The following UCN3 variants were observed in gnomAD, a reference collection of about 807,000 sequenced individuals.
UCN3 encodes the protein urocortin-3.
UCN3 carries 3 observed loss-of-function variants against 3.6 expected under a neutral mutation model. That is an observed-to-expected ratio of 0.83 (90% CI 0.38 to 2.15). The LOEUF is 2.15. Ranked by LOEUF, UCN3 falls within the 30% of genes most tolerant of loss-of-function variation. The probability of loss-of-function intolerance (pLI) is 0.06; values close to 1 mark genes in which losing one functional copy is unlikely to be tolerated. For missense variants in UCN3, 206 were observed against 208.3 expected (o/e 0.99, Z 0.07); for synonymous variants, 100 against 93.2 (o/e 1.07, Z -0.42).
chr10:5,370,281 ATATGCGTGTGTG>A lies in UCN3; in HGVS notation c.-6-3422_-6-3411del, dbSNP rs1387248623. ...TATATGCGTGTGTATATGCGTGTGT[ATATGCGTGTGTG>A]TATGCGTGTGTATATGCGTGTATGT... is the stretch of plus-strand genomic sequence containing the variant. On this transcript the variant is annotated intron_variant, in intron 1 of 1. Transcript: ENST00000380433. Among the ~76,000 whole-genome samples the A allele has an allele frequency of 4.8e-3, 296 of 61,184 alleles. 46 individuals carry two copies. The highest frequency in any genetic ancestry group is 7.2e-3 in the Non-Finnish European group (230 of 31,858). 40.1% of individuals were successfully genotyped at this position (61,184 alleles called of 152,430 possible).
rs906920569 is a variant in UCN3, at chr10:5,366,105, T to C, written c.-7+875T>C. Among the ~76,000 whole-genome samples, 17 of 152,222 alleles carry C rather than the reference T, an allele frequency of 1.1e-4. No individual in the cohort carries two copies. The highest frequency in any genetic ancestry group is 7.3e-5 in the Non-Finnish European group (5 of 68,040). ...GAGCCCACAGGAATAGCTCTGCACT[T>C]GGCAGAGATGTGTGATCAGTACTGT... is the stretch of plus-strand genomic sequence containing the variant. On this transcript the variant is annotated intron_variant, in intron 1 of 1. Coordinates refer to ENST00000380433, the MANE Select transcript of UCN3 (RefSeq NM_053049.4). This position sits in a 1 kb window ranked among gnomAD's most constrained non-coding sequence, Gnocchi z 4.2.
rs1834117061 is a variant in UCN3, at chr10:5,366,277, A to G, written c.-7+1047A>G. Among the ~76,000 whole-genome samples, 1 of 152,218 alleles carries G rather than the reference A, an allele frequency of 6.6e-6. No homozygotes were observed. The highest frequency in any genetic ancestry group is 6.5e-5 in the Admixed American group (1 of 15,282). On this transcript the variant is annotated intron_variant, in intron 1 of 1. Transcript: ENST00000380433. The surrounding 1 kb of genome is among the most constrained non-coding windows in gnomAD (Gnocchi z 4.2). Reference sequence around the variant, plus strand: ...GTGTCTCTTTACAGCATCCTCGACAAGTGCTACTGTCACCATAGCCCAAAG... The same window carrying G: ...GTGTCTCTTTACAGCATCCTCGACAGGTGCTACTGTCACCATAGCCCAAAG...
chr10:5,369,011 AG>A (rs1831294269), intron 1 of UCN3, among the ~76,000 whole-genome samples: 1 of 152,186 alleles, frequency 6.6e-6, no homozygotes, highest in African/African-American at 2.4e-5. Context: ...ATCCAGACCC[AG>A]TGACTCAGAA....
At chr10:5,370,223 G>GTGCGTGTGTGTA (rs1831348518) in intron 1 of UCN3, among the ~76,000 whole-genome samples, 13 of 13,762 alleles carry the variant, frequency 9.4e-4, no homozygotes, top group Non-Finnish European at 1.2e-3. Context: ...GTGTGTGTAT[G>GTGCGTGTGTGTA]TGCGTGTGTG....
chr10:5,373,534 C>T (rs1831457204), intron 1 of UCN3, among the ~76,000 whole-genome samples, 181 bp from the exon 2 acceptor site: 1 of 152,168 alleles, frequency 6.6e-6, no homozygotes, highest in African/African-American at 2.4e-5. Context: ...GGAAAAAGAC[C>T]TGAGAATTAT....
At chr10:5,369,907 G>A (rs80102617) in intron 1 of UCN3, among the ~76,000 whole-genome samples, 2 of 135,690 alleles carry the variant, frequency 1.5e-5, no homozygotes, top group Non-Finnish European at 3.1e-5. Flanking sequence ...GTATATGTGT[G>A]TGTGTATATG....
chr10:5,367,768 A>C lies in UCN3; in HGVS notation c.-7+2538A>C, dbSNP rs371536316. On this transcript the variant is annotated intron_variant, in intron 1 of 1. Coordinates refer to ENST00000380433, the MANE Select transcript of UCN3 (RefSeq NM_053049.4). The surrounding 1 kb of genome is among the most constrained non-coding windows in gnomAD (Gnocchi z 4.3). ...CAGAAAGTAGTCTGAGTTCTCAGTA[A>C]TATTTGCAATTATTCTGCAAAGTTC... is the stretch of plus-strand genomic sequence containing the variant. Among the ~76,000 whole-genome samples the C allele has an allele frequency of 4.6e-5, 7 of 152,212 alleles. No homozygotes were observed. The highest frequency in any genetic ancestry group is 1.9e-4 in the East Asian group (1 of 5,204).
At position 5,370,711 on chromosome 10, in the gene UCN3, GA is replaced by G. The variant is rs797027862; in HGVS notation, c.-6-3003del. Among the ~76,000 whole-genome samples, 10 of 65,034 alleles carry G rather than the reference GA, an allele frequency of 1.5e-4. 1 individual carries two copies. Among genetic ancestry groups the G allele is most frequent in the Non-Finnish European group, 2.5e-4 (9 of 35,868 alleles). The allele number at this position is 65,034 out of a possible 152,430, so 42.7% of individuals were successfully genotyped here. On this transcript the variant is annotated intron_variant, in intron 1 of 1. Coordinates refer to ENST00000380433, the MANE Select transcript of UCN3 (RefSeq NM_053049.4). ...TATGTGTGTATATGTGTGTGTATAT[GA>G]TGTGTGTGTATATGCGTGTGTATAT...
Position 5,365,667 on chromosome 10 carries a change from T to C in UCN3, c.-7+437T>C, listed in dbSNP as rs1186772112. 6.6e-6 allele frequency among the ~76,000 whole-genome samples: 1 copy of C among 152,174 alleles called. No homozygotes were observed. Among genetic ancestry groups the C allele is most frequent in the East Asian group, 1.9e-4 (1 of 5,182 alleles). On this transcript the variant is annotated intron_variant, in intron 1 of 1. Transcript: ENST00000380433. The surrounding 1 kb of genome is among the most constrained non-coding windows in gnomAD (Gnocchi z 4.4). The stretch of plus-strand genomic sequence containing the variant: ...AAGCAGCGAGGACACCTGCACTTAC[T>C]GTTTACCTGTGCCACAAACCTTCAC...
rs1554811774 is a variant in UCN3, at chr10:5,373,857, G to A, written c.137G>A (p.Gly46Asp). 6.2e-7 allele frequency: 1 copy of A among 1,613,976 alleles called. No homozygotes were observed. Among genetic ancestry groups the A allele is most frequent in the African/African-American group, 1.3e-5 (1 of 74,904 alleles). ...ACCGCCCTGTCTGAGGCTGAGAAGG[G>A]CCAGTGGGAGGATGCATCCCTGCTG... ...LNTALSEAEK[G>D]QWEDASLLSK... Residue 46 changes from glycine (G) to aspartate (D), a missense_variant, in exon 2 of 2, where the codon GGC (glycine) becomes GAC (aspartate). Gly to Asp is a moderately conservative substitution (Grantham distance 94). Coordinates refer to ENST00000380433, the MANE Select transcript of UCN3 (RefSeq NM_053049.4).
chr10:5,371,463 T>C (rs2119111170), intron 1 of UCN3, among the ~76,000 whole-genome samples: 1 of 152,168 alleles, frequency 6.6e-6, no homozygotes, highest in Middle Eastern at 3.4e-3. Context: ...GTTTCCAGGG[T>C]AAGTGAAGCA....
chr10:5,371,664 C>G lies in UCN3; in HGVS notation c.-6-2051C>G, dbSNP rs181213917. 1.2e-3 allele frequency among the ~76,000 whole-genome samples: 179 copies of G among 152,210 alleles called. 1 individual carries two copies. Among genetic ancestry groups the G allele is most frequent in the African/African-American group, 4.2e-3 (175 of 41,502 alleles). On this transcript the variant is annotated intron_variant, in intron 1 of 1. Coordinates refer to ENST00000380433, the MANE Select transcript of UCN3 (RefSeq NM_053049.4). The stretch of plus-strand genomic sequence containing the variant: ...AGGAGCTGCAGAGCAGAGACTGGAG[C>G]TTGAGCACCGACTGCCAGCCCTGCC...
Position 5,374,432 on chromosome 10 carries a change from A to T in UCN3, c.*226A>T. 1.9e-6 allele frequency: 1 copy of T among 525,986 alleles called. No homozygotes were observed. The highest frequency in any genetic ancestry group is 3.4e-5 in the East Asian group (1 of 29,164). 32.6% of individuals were successfully genotyped at this position (525,986 alleles called of 1,614,324 possible). On this transcript the variant is annotated 3_prime_UTR_variant, in exon 2 of 2. Transcript: ENST00000380433. ...ACACACAGAAGTGCAGTATTGTCCA[A>T]CCTTCCCAGACACAAAGCAGCTAAC...
intron 1 of UCN3, among the ~76,000 whole-genome samples, chr10:5,373,466 T>C (rs1408213932): frequency 1.3e-5 from 2 of 152,228 alleles, no homozygotes; most frequent in Non-Finnish European, 2.9e-5. Context: ...TGGGATCATC[T>C]GCAGGGTTTG....
At position 5,370,854 on chromosome 10, in the gene UCN3, T is replaced by TGTGTGCGC. The variant is rs1564443672; in HGVS notation, c.-6-2856_-6-2855insCGCGTGTG. Among the ~76,000 whole-genome samples, 4 of 124,168 alleles carry TGTGTGCGC rather than the reference T, an allele frequency of 3.2e-5. 1 individual carries two copies. The highest frequency in any genetic ancestry group is 2.5e-4 in the Admixed American group (3 of 11,898). The allele number at this position is 124,168 out of a possible 152,430, so 81.5% of individuals were successfully genotyped here. A position where few individuals can be genotyped will look rare whatever the true frequency, so the allele number is the denominator to read the frequency against. Reference sequence around the variant, plus strand: ...GTGTGTGTGCGCGTGTGTGTGCGCGTGTGTGTGCGTGTGTATGTGTGTGTA... The same window carrying TGTGTGCGC: ...GTGTGTGTGCGCGTGTGTGTGCGCGTGTGTGCGCGTGTGTGCGTGTGTATGTGTGTGTA... On this transcript the variant is annotated intron_variant, in intron 1 of 1. Transcript: ENST00000380433.
intron 1 of UCN3, among the ~76,000 whole-genome samples, chr10:5,370,616 CGTGTATATGCGT>C (rs1474365713): frequency 1.9e-4 from 4 of 21,462 alleles, no homozygotes; most frequent in African/African-American, 7.8e-4. Flanking sequence ...TGTGTATATG[CGTGTATATGCGT>C]GTGTATGTGT....
chr10:5,370,731 T>G (rs1164553243), intron 1 of UCN3, among the ~76,000 whole-genome samples: 1 of 123,950 alleles, frequency 8.1e-6, no homozygotes, highest in Admixed American at 8.2e-5. Flanking sequence ...TATATGCGTG[T>G]GTATATGTGT....
Position 5,366,223 on chromosome 10 carries a change from T to A in UCN3, c.-7+993T>A, listed in dbSNP as rs1368210723. ...CCCAGGTCCCTCACGTTTCAGTGCT[T>A]GGCTCTGCCACAGCTCCCAGAAGTA... is the stretch of plus-strand genomic sequence containing the variant. On this transcript the variant is annotated intron_variant, in intron 1 of 1. Coordinates refer to ENST00000380433, the MANE Select transcript of UCN3 (RefSeq NM_053049.4). This position sits in a 1 kb window ranked among gnomAD's most constrained non-coding sequence, Gnocchi z 4.2. Among the ~76,000 whole-genome samples the A allele has an allele frequency of 6.6e-6, 1 of 152,202 alleles. No individual in the cohort carries two copies. The highest frequency in any genetic ancestry group is 1.5e-5 in the Non-Finnish European group (1 of 68,042).
chr10:5,368,063 G>A (rs927283805), intron 1 of UCN3, among the ~76,000 whole-genome samples: 23 of 152,140 alleles, frequency 1.5e-4, no homozygotes, highest in African/African-American at 5.6e-4. Context: ...GAGTGCAGTA[G>A]CATGATCTTG....
Sources: gnomAD v4.1 joint callset for allele counts (sites outside exome capture counted in the v4.1 genomes callset) on GRCh38, gnomAD v4.1.1 for gene constraint, Gnocchi (gnomAD v3.1) non-coding constraint, MANE v1.5 for transcripts, NCBI Gene and HGNC (gene_info 2026-07-23, HGNC 2026-07-21) for gene names.